The following CNIH1 variants were observed in gnomAD, a reference collection of about 807,000 sequenced individuals.
CNIH1 encodes the protein protein cornichon homolog 1.
A neutral mutation model predicts 20.2 loss-of-function variants in CNIH1; 12 were observed. The ratio of observed to expected loss-of-function variants is 0.59; its 90% confidence interval spans 0.38 to 0.96. CNIH1 has a LOEUF of 0.96. CNIH1 is among the 40% of genes least tolerant of loss of function. The probability of loss-of-function intolerance (pLI) is 0.00; values close to 1 mark genes in which losing one functional copy is unlikely to be tolerated. For synonymous variants in CNIH1, 69 were observed against 63.3 expected (o/e 1.09, Z -0.43); for missense variants, 152 against 178.8 (o/e 0.85, Z 0.85).
rs769896228 is a variant in CNIH1 at position 54,424,023 on chromosome 14, A to C, written c.*3791T>G. 2.6e-5 allele frequency: 4 copies of C among 152,222 alleles called. No homozygotes were observed. The highest frequency in any genetic ancestry group is 4.4e-5 in the Non-Finnish European group (3 of 68,034). The allele number at this position is 152,222 out of a possible 1,614,324, so 9.4% of individuals were successfully genotyped here. A position where few individuals can be genotyped will look rare whatever the true frequency, so the allele number is the denominator to read the frequency against. ...TTAGCTTTGGAACTTTGAATTTCAA[A>C]GTAAAATTGTTATAAGAAAGCTAGT... is the stretch of plus-strand genomic sequence containing the variant. On this transcript the variant is annotated 3_prime_UTR_variant, in exon 5 of 5. Transcript: ENST00000216416.
intron 2 of CNIH1, 135 bp downstream of exon 2, chr14:54,436,234 A>G (rs1455681095): frequency 2.8e-6 from 2 of 701,852 alleles, no homozygotes; most frequent in Non-Finnish European, 5.2e-6. Context: ...GAAAAAGAAG[A>G]TTTTTTAAAT....
chr14:54,432,901 T>G (rs1218479643), intron 2 of CNIH1, among the ~76,000 whole-genome samples: 1 of 152,222 alleles, frequency 6.6e-6, no homozygotes, highest in Non-Finnish European at 1.5e-5. Flanking sequence ...GTTCTCATTC[T>G]TAGGTGGCCT....
chr14:54,430,531 G>T, intron 3 of CNIH1, 127 bp from the exon 4 acceptor site: 1 of 839,548 alleles, frequency 1.2e-6, no homozygotes. Flanking sequence ...TTTTACTTAT[G>T]GGTAAAATGC....
intron 2 of CNIH1, 47 bp downstream of exon 2, chr14:54,436,318 AAAAC>A: frequency 9.1e-7 from 1 of 1,100,274 alleles, no homozygotes; most frequent in South Asian, 1.3e-5. Context: ...CTTCAAGTTA[AAAAC>A]AAACATATTT....
chr14:54,440,118 T>C (rs558164568), intron 1 of CNIH1, among the ~76,000 whole-genome samples: 2 of 152,338 alleles, frequency 1.3e-5, no homozygotes, highest in South Asian at 4.1e-4. Flanking sequence ...GTGATATGCT[T>C]CCACTTTCGA....
chr14:54,430,037 C>A lies in CNIH1; in HGVS notation c.407+224G>T, dbSNP rs2030903412. On this transcript the variant is annotated intron_variant, in intron 4 of 4. Coordinates refer to ENST00000216416, the MANE Select transcript of CNIH1 (RefSeq NM_005776.3). ...ATGTGTCTGAAAACTTATGAAGCAG[C>A]ATCCCTGACCAAACCTTCTGCCTCT... 5.9e-6 allele frequency: 3 copies of A among 506,110 alleles called. No homozygotes were observed. The South Asian group carries it at 7.7e-5, about 13-fold the overall frequency. The allele number at this position is 506,110 out of a possible 1,614,324, so 31.4% of individuals were successfully genotyped here.
intron 2 of CNIH1, among the ~76,000 whole-genome samples, chr14:54,435,609 G>C (rs549198829): frequency 1.1e-4 from 17 of 152,146 alleles, no homozygotes; most frequent in Admixed American, 9.2e-4. Context: ...CGAGATCCCA[G>C]AGCCCCCAGA....
chr14:54,434,203 T>A (rs1372641435), intron 2 of CNIH1, among the ~76,000 whole-genome samples: 2 of 152,226 alleles, frequency 1.3e-5, no homozygotes, highest in African/African-American at 4.8e-5. Context: ...TAGGGAAAAC[T>A]GTCAGATGCA....
Position 54,427,812 on chromosome 14 carries a change from T to C in CNIH1, c.*2A>G, listed in dbSNP as rs759443436. 2 of 1,613,752 alleles carry C rather than the reference T, an allele frequency of 1.2e-6. No homozygotes were observed. The highest frequency in any genetic ancestry group is 3.3e-5 in the Admixed American group (2 of 60,014). On this transcript the variant is annotated 3_prime_UTR_variant, in exon 5 of 5. Coordinates refer to ENST00000216416, the MANE Select transcript of CNIH1 (RefSeq NM_005776.3). ...ACTGGACCAATTCTTCTGTGTGTTG[T>C]TCTAAGAGCTCACCAAAACATAGAT...
intron 2 of CNIH1, among the ~76,000 whole-genome samples, chr14:54,433,062 A>G (rs2030981895): frequency 6.6e-6 from 1 of 152,222 alleles, no homozygotes; most frequent in Non-Finnish European, 1.5e-5. Flanking sequence ...TTTTTATAAA[A>G]TGACCAGGAG....
chr14:54,430,325 A>G lies in CNIH1; in HGVS notation c.343T>C (p.Cys115Arg), dbSNP rs2030908536. ...TIMNADILAY[C>R]QKEGWCKLAF... is the part of the protein sequence containing the mutation. ...AATTTGCACCATCCTTCCTTCTGAC[A>G]ATATGCTAGAATATCTGCATTCATG... The change falls in exon 4 of 5, where the codon TGT (cysteine) becomes CGT (arginine). Residue 115 changes from cysteine to arginine, a missense_variant. Transcript: ENST00000216416. 1 of 1,614,032 alleles carries G rather than the reference A, an allele frequency of 6.2e-7. No individual in the cohort carries two copies. Among genetic ancestry groups the G allele is most frequent in the African/African-American group, 1.3e-5 (1 of 74,956 alleles).
In CNIH1 at chr14:54,430,269, G is replaced by A. The variant is rs2030907475; in HGVS notation, c.399C>T (p.Tyr133=). 1.2e-6 allele frequency: 2 copies of A among 1,613,772 alleles called. No homozygotes were observed. Among genetic ancestry groups the A allele is most frequent in the Non-Finnish European group, 1.7e-6 (2 of 1,179,856 alleles). Residue 133 remains tyrosine (Y), a synonymous_variant, in exon 4 of 5, where the codon TAC becomes TAT. Coordinates refer to ENST00000216416, the MANE Select transcript of CNIH1 (RefSeq NM_005776.3). ...TTACCTTTTCAACTTACCCATATAG[G>A]TAGTAAAAAAATGCTAGAAGATAAA... The part of the protein sequence containing the change: ...LAFYLLAFFY[Y]LYGMIYVLVS...
chr14:54,430,974 G>A (rs986731837), intron 3 of CNIH1, among the ~76,000 whole-genome samples: 8 of 152,042 alleles, frequency 5.3e-5, no homozygotes, highest in Admixed American at 5.2e-4. Context: ...GGGGACTACA[G>A]GCACACGCCA....
intron 4 of CNIH1, among the ~76,000 whole-genome samples, chr14:54,429,017 T>C (rs2030880093): frequency 6.6e-6 from 1 of 152,252 alleles, no homozygotes; most frequent in Non-Finnish European, 1.5e-5. Flanking sequence ...TACAGCTTTT[T>C]TGGAAATATT....
At position 54,441,246 on chromosome 14, in the gene CNIH1, C is replaced by G; in HGVS notation, c.81+1G>C. 6.6e-7 allele frequency: 1 copy of G among 1,512,990 alleles called. No homozygotes were observed. The highest frequency in any genetic ancestry group is 8.9e-7 in the Non-Finnish European group (1 of 1,128,550). 93.7% of individuals were successfully genotyped at this position (1,512,990 alleles called of 1,614,324 possible). A position where few individuals can be genotyped will look rare whatever the true frequency, so the allele number is the denominator to read the frequency against. On this transcript the variant is annotated splice_donor_variant, in intron 1 of 4. Coordinates refer to ENST00000216416, the MANE Select transcript of CNIH1 (RefSeq NM_005776.3). LOFTEE classifies it high-confidence loss of function. ...TCCTTTCCCCAGCCCCAGCTACTCA[C>G]GTGCCAAATGGCGAAGAAGATGAGC...
At chr14:54,435,891 A>C (rs2031045313) in intron 2 of CNIH1, among the ~76,000 whole-genome samples, 1 of 152,256 alleles carries the variant, frequency 6.6e-6, no homozygotes, top group Non-Finnish European at 1.5e-5. Flanking sequence ...ATACGCATTT[A>C]ACAGCTTTCC....
At position 54,441,366 on chromosome 14, in the gene CNIH1, C is replaced by T; in HGVS notation, c.-39G>A. 5 of 1,469,568 alleles carry T rather than the reference C, an allele frequency of 3.4e-6. No homozygotes were observed. Among genetic ancestry groups the T allele is most frequent in the Middle Eastern group, 2.0e-4 (1 of 4,968 alleles). 91.0% of individuals were successfully genotyped at this position (1,469,568 alleles called of 1,614,324 possible). A position where few individuals can be genotyped will look rare whatever the true frequency, so the allele number is the denominator to read the frequency against. The stretch of plus-strand genomic sequence containing the variant: ...GAGCGGGGAGCGGCGCCGTTGCCAG[C>T]GGAGAAAGGCGGCGCAGGGCCCTCT... On this transcript the variant is annotated 5_prime_UTR_variant, in exon 1 of 5. Transcript: ENST00000216416.
chr14:54,425,496 T>C lies in CNIH1; in HGVS notation c.*2318A>G, dbSNP rs944988175. On this transcript the variant is annotated 3_prime_UTR_variant, in exon 5 of 5. Transcript: ENST00000216416. ...GCCTCAGCTGAACCCACAGGAATAA[T>C]AGGCTAGGGCCACCCCAAAGAGATT... 1 of 152,096 alleles carries C rather than the reference T, an allele frequency of 6.6e-6. No individual in the cohort carries two copies. Among genetic ancestry groups the C allele is most frequent in the Non-Finnish European group, 1.5e-5 (1 of 68,014 alleles). The allele number at this position is 152,096 out of a possible 1,614,324, so 9.4% of individuals were successfully genotyped here.
At chr14:54,430,144 C>A in intron 4 of CNIH1, 117 bp downstream of exon 4, 1 of 1,093,902 alleles carries the variant, frequency 9.1e-7, no homozygotes, top group Non-Finnish European at 1.3e-6. Flanking sequence ...GTGCACCATG[C>A]ACACTTAAGA....
Sources: allele counts gnomAD v4.1 joint callset (sites outside exome capture counted in the v4.1 genomes callset), GRCh38; gene constraint gnomAD v4.1.1; transcripts MANE v1.5; gene names NCBI Gene and HGNC (gene_info 2026-07-23, HGNC 2026-07-21).